Variants in GPHN observed in about 807,000 individuals in gnomAD.
GPHN encodes the protein gephyrin.
In GPHN, 17 loss-of-function variants were observed where a neutral mutation model predicts 95.5. The observed-to-expected ratio is 0.18, with a 90% CI of 0.12 to 0.27. The LOEUF (loss-of-function observed/expected upper bound fraction) is 0.27. Ranked by LOEUF, GPHN falls within the 10% of genes least tolerant of loss-of-function variation. The pLI, the probability that GPHN is intolerant of heterozygous loss-of-function variation, is 1.00. For synonymous variants in GPHN, 320 were observed against 322.5 expected (o/e 0.99, Z 0.08); for missense variants, 660 against 978.1 (o/e 0.67, Z 4.34).
chr14:66,544,776 G>A (rs886668521), intron 1 of GPHN, among the ~76,000 whole-genome samples: 4 of 151,836 alleles, frequency 2.6e-5, no homozygotes, highest in Non-Finnish European at 4.4e-5. Flanking sequence ...TGAGATTAGG[G>A]AGTGGTGATG....
At chr14:67,022,018 T>C (rs1698364459) in intron 9 of GPHN, among the ~76,000 whole-genome samples, 1 of 152,134 alleles carries the variant, frequency 6.6e-6, no homozygotes, top group African/African-American at 2.4e-5. Context: ...CTCTTCTAGC[T>C]TTCTCTTGTG....
chr14:67,693,857 G>T, the GPHN span, among the ~76,000 whole-genome samples: 1 of 152,016 alleles, frequency 6.6e-6, no homozygotes, highest in African/African-American at 2.4e-5. Context: ...CACCACGCTG[G>T]CCAGGATGGT....
the GPHN span, chr14:67,392,535 G>C: frequency 1.7e-6 from 2 of 1,205,248 alleles, no homozygotes; most frequent in Non-Finnish European, 2.5e-6. Context: ...ACCTCATTCT[G>C]CATCAGGATG....
At chr14:66,918,411 A>G (rs555347113) in intron 6 of GPHN, among the ~76,000 whole-genome samples, 75 of 152,296 alleles carry the variant, frequency 4.9e-4, no homozygotes, top group African/African-American at 1.7e-3. Context: ...GGGGCCTTCT[A>G]TGTAGAAAGT....
the GPHN span, among the ~76,000 whole-genome samples, chr14:67,508,366 T>C: frequency 8.6e-5 from 13 of 152,038 alleles, no homozygotes; most frequent in Non-Finnish European, 1.9e-4. Context: ...CATTATTACC[T>C]GAAGAGAGGT....
the GPHN span, among the ~76,000 whole-genome samples, chr14:67,699,403 A>C: frequency 6.6e-6 from 1 of 152,068 alleles, no homozygotes; most frequent in East Asian, 1.9e-4. Flanking sequence ...AAAAATTTAA[A>C]AAATAAATGA....
intron 3 of GPHN, among the ~76,000 whole-genome samples, chr14:66,806,116 G>T (rs1257734888): frequency 6.6e-6 from 1 of 152,100 alleles, no homozygotes; most frequent in African/African-American, 2.4e-5. Flanking sequence ...CTGTTCACTC[G>T]CAAGCTCAAT....
At chr14:67,419,044 G>A in the GPHN span, among the ~76,000 whole-genome samples, 2 of 152,204 alleles carry the variant, frequency 1.3e-5, no homozygotes, top group African/African-American at 4.8e-5. Flanking sequence ...AGGGCCATCA[G>A]GGCTGGGGTG....
chr14:67,505,879 TAGTAGCG>T, the GPHN span, among the ~76,000 whole-genome samples: 1 of 152,118 alleles, frequency 6.6e-6, no homozygotes, highest in African/African-American at 2.4e-5. Context: ...TTTGTATTTT[TAGTAGCG>T]ACAGGGTTTC....
the GPHN span, among the ~76,000 whole-genome samples, chr14:67,556,266 G>A: frequency 2.0e-5 from 3 of 152,150 alleles, no homozygotes; most frequent in African/African-American, 2.4e-5. Flanking sequence ...CTTGGAATGC[G>A]CAGCCTTCTT....
chr14:66,671,819 T>C (rs2066320619), intron 1 of GPHN, among the ~76,000 whole-genome samples: 1 of 152,166 alleles, frequency 6.6e-6, no homozygotes, highest in African/African-American at 2.4e-5. Flanking sequence ...TGTTTCCTCT[T>C]TGTTTCTGAT....
intron 4 of GPHN, among the ~76,000 whole-genome samples, chr14:66,854,623 A>T (rs1365882970): frequency 6.6e-6 from 1 of 152,208 alleles, no homozygotes. Flanking sequence ...AAGTCTCAAC[A>T]TATACCATTA....
intron 2 of GPHN, among the ~76,000 whole-genome samples, chr14:66,713,485 G>T (rs1003527864): frequency 2.0e-5 from 3 of 152,196 alleles, no homozygotes; most frequent in African/African-American, 7.2e-5. Flanking sequence ...TGTTGCATTG[G>T]CCCGTGTGCC....
At chr14:67,310,606 A>T in the GPHN span, among the ~76,000 whole-genome samples, 1 of 152,290 alleles carries the variant, frequency 6.6e-6, no homozygotes, top group East Asian at 1.9e-4. Flanking sequence ...TTTTTTGTGT[A>T]TCAAAAGTTA....
the GPHN span, among the ~76,000 whole-genome samples, chr14:67,703,398 G>A: frequency 2.0e-5 from 3 of 152,168 alleles, no homozygotes; most frequent in Non-Finnish European, 4.4e-5. Context: ...ATTTTAGCTT[G>A]AACTGGCTGA....
chr14:67,303,862 G>C, the GPHN span, among the ~76,000 whole-genome samples: 1 of 152,028 alleles, frequency 6.6e-6, no homozygotes, highest in Non-Finnish European at 1.5e-5. Flanking sequence ...ATGCCTTCCA[G>C]GTTCAAATGA....
intron 1 of GPHN, among the ~76,000 whole-genome samples, chr14:66,645,751 T>C (rs771942819): frequency 5.3e-5 from 8 of 151,772 alleles, no homozygotes; most frequent in Non-Finnish European, 1.2e-4. Context: ...ATATGCACCA[T>C]TTATTTATAA....
chr14:67,665,012 T>G, the GPHN span, among the ~76,000 whole-genome samples: 1 of 152,010 alleles, frequency 6.6e-6, no homozygotes, highest in South Asian at 2.1e-4. Context: ...GTTACAGGAG[T>G]GCACCACCAC....
intron 2 of GPHN, among the ~76,000 whole-genome samples, chr14:66,772,075 A>C (rs1265558282): frequency 6.6e-6 from 1 of 151,844 alleles, no homozygotes; most frequent in Non-Finnish European, 1.5e-5. Context: ...TGAAAATTCC[A>C]CTTTTGTGAA....
Sources: gnomAD v4.1 joint callset for allele counts (sites outside exome capture counted in the v4.1 genomes callset) on GRCh38, gnomAD v4.1.1 for gene constraint, MANE v1.5 for transcripts, NCBI Gene and HGNC (gene_info 2026-07-23, HGNC 2026-07-21) for gene names.